The following WIPI2 variants were observed in gnomAD, a reference collection of about 807,000 sequenced individuals.
WIPI2 encodes WD repeat domain phosphoinositide-interacting protein 2.
WIPI2 carries 28 observed loss-of-function variants against 52.3 expected under a neutral mutation model. That is an observed-to-expected ratio of 0.54 (90% CI 0.40 to 0.73). The LOEUF (loss-of-function observed/expected upper bound fraction) is 0.73, where lower values mean the gene tolerates loss of function less well. WIPI2 is among the 30% of genes least tolerant of loss of function. The pLI is 0.00. For missense variants in WIPI2, 506 were observed against 602.9 expected (o/e 0.84, Z 1.68); for synonymous variants, 268 against 245.0 (o/e 1.09, Z -0.88).
At chr7:5,214,377 C>T in intron 3 of WIPI2, 158 bp from the exon 4 acceptor site, 1 of 1,601,152 alleles carries the variant, frequency 6.2e-7, no homozygotes, top group Non-Finnish European at 8.5e-7. Flanking sequence ...CCTCAGACCC[C>T]CGGGCTGTCC....
chr7:5,197,286 T>A (rs1447927650), intron 2 of WIPI2, among the ~76,000 whole-genome samples: 5 of 152,096 alleles, frequency 3.3e-5, no homozygotes, highest in Non-Finnish European at 7.4e-5. Context: ...GTTTTTTTAA[T>A]CAGAAAATGG....
In WIPI2 at chr7:5,230,477, G is replaced by C. The variant is rs550165383; in HGVS notation, c.1253-358G>C. Among the ~76,000 whole-genome samples the C allele has an allele frequency of 6.6e-6, 1 of 152,270 alleles. No individual in the cohort carries two copies. Among genetic ancestry groups the C allele is most frequent in the South Asian group, 2.1e-4 (1 of 4,832 alleles). On this transcript the variant is annotated intron_variant, in intron 12 of 12. Transcript: ENST00000288828. This position sits in a 1 kb window ranked among gnomAD's most constrained non-coding sequence, Gnocchi z 4.8. ...TCGCTGCCACTCCCATCTGTGAACC[G>C]GCACTTCCAGTTCATGAGCCCACCC...
intron 2 of WIPI2, among the ~76,000 whole-genome samples, chr7:5,198,505 G>T (rs1326705457): frequency 6.6e-6 from 1 of 152,100 alleles, no homozygotes; most frequent in Non-Finnish European, 1.5e-5. Flanking sequence ...GTAGAGACAG[G>T]TTTTCGCCAT....
Position 5,232,362 on chromosome 7 carries a change from G to A in WIPI2, c.*1415G>A. On this transcript the variant is annotated 3_prime_UTR_variant, in exon 13 of 13. Transcript: ENST00000288828. The stretch of plus-strand genomic sequence containing the variant: ...GCGGTGAAATGCCCCAGTGTTCCTG[G>A]GTTGGCTTTACGGCAAACTAAATGC... The A allele has an allele frequency of 2.5e-6, 1 of 398,608 alleles. No homozygotes were observed. Among genetic ancestry groups the A allele is most frequent in the Admixed American group, 4.4e-5 (1 of 22,740 alleles). 24.7% of individuals were successfully genotyped at this position (398,608 alleles called of 1,614,324 possible). A position where few individuals can be genotyped will look rare whatever the true frequency, so the allele number is the denominator to read the frequency against.
At chr7:5,221,835 A>T (rs1483663447) in intron 7 of WIPI2, among the ~76,000 whole-genome samples, 4 of 152,224 alleles carry the variant, frequency 2.6e-5, no homozygotes, top group Non-Finnish European at 4.4e-5. Flanking sequence ...TTTCCAGCTA[A>T]TCGGCTCTCT....
In WIPI2 at chr7:5,232,624, C is replaced by A. The variant is rs1391421443; in HGVS notation, c.*1677C>A. The A allele has an allele frequency of 3.6e-6, 1 of 280,680 alleles. No individual in the cohort carries two copies. Among genetic ancestry groups the A allele is most frequent in the Non-Finnish European group, 6.6e-6 (1 of 151,704 alleles). 17.4% of individuals were successfully genotyped at this position (280,680 alleles called of 1,614,324 possible). Reference sequence around the variant, plus strand: ...TGAGCAGGGATGAGAAGGGCCGCGGCAGCACGCAGCCTTGACCCACGCCTG... The same window carrying A: ...TGAGCAGGGATGAGAAGGGCCGCGGAAGCACGCAGCCTTGACCCACGCCTG... On this transcript the variant is annotated 3_prime_UTR_variant, in exon 13 of 13. Transcript: ENST00000288828.
intron 7 of WIPI2, among the ~76,000 whole-genome samples, chr7:5,219,724 G>T (rs149863169): frequency 2.0e-5 from 3 of 152,202 alleles, no homozygotes; most frequent in African/African-American, 7.2e-5. Flanking sequence ...AACCTTTGCC[G>T]TGGTTATTTT....
chr7:5,193,113 C>T lies in WIPI2; in HGVS notation c.75-5C>T, dbSNP rs1781557185. 6.2e-7 allele frequency: 1 copy of T among 1,612,926 alleles called. No individual in the cohort carries two copies. The highest frequency in any genetic ancestry group is 1.7e-5 in the Admixed American group (1 of 59,932). On this transcript the variant is annotated splice_region_variant and splice_polypyrimidine_tract_variant and intron_variant, in intron 1 of 12. Transcript: ENST00000288828. ...TTTTTTGTTTTGTTTTGTTTTTTTACCTAGAGAAGTGAAAGGGGCATCAAG... is the reference window on the plus strand; with the variant it reads ...TTTTTTGTTTTGTTTTGTTTTTTTATCTAGAGAAGTGAAAGGGGCATCAAG...
At chr7:5,214,783 G>GC in intron 4 of WIPI2, 79 bp downstream of exon 4, 1 of 1,520,802 alleles carries the variant, frequency 6.6e-7, no homozygotes, top group Non-Finnish European at 9.0e-7. Context: ...CCACCGGCAT[G>GC]CCCCTCCGTC....
Position 5,228,097 on chromosome 7 carries a change from T to C in WIPI2, c.1014-7T>C. ...TCTAGAATTTGGCTGCTCTTTATTC[T>C]CCCTAGAATTCAGAAGATCCCGCGG... is the stretch of plus-strand genomic sequence containing the variant. On this transcript the variant is annotated splice_region_variant and splice_polypyrimidine_tract_variant and intron_variant, in intron 10 of 12. Coordinates refer to ENST00000288828, the MANE Select transcript of WIPI2 (RefSeq NM_015610.4). 1.2e-6 allele frequency: 2 copies of C among 1,613,658 alleles called. No individual in the cohort carries two copies. Among genetic ancestry groups the C allele is most frequent in the South Asian group, 2.2e-5 (2 of 91,044 alleles).
intron 7 of WIPI2, among the ~76,000 whole-genome samples, chr7:5,219,548 C>G (rs77010558): frequency 2.0e-5 from 3 of 152,142 alleles, no homozygotes; most frequent in Non-Finnish European, 2.9e-5. Context: ...TTCCCAGCCC[C>G]GCTCTGTCCC....
At chr7:5,220,986 C>T (rs1255675571) in intron 7 of WIPI2, among the ~76,000 whole-genome samples, 15 of 115,824 alleles carry the variant, frequency 1.3e-4, no homozygotes, top group Admixed American at 1.1e-3. Context: ...TTTTTTGAGA[C>T]GGAGTCTTGC....
chr7:5,225,290 G>A (rs1234080250), intron 8 of WIPI2, among the ~76,000 whole-genome samples: 2 of 151,872 alleles, frequency 1.3e-5, no homozygotes, highest in African/African-American at 2.4e-5. Context: ...ACAGGCACCC[G>A]CCACCACGCC....
At position 5,227,999 on chromosome 7, in the gene WIPI2, T is replaced by A; in HGVS notation, c.1014-105T>A. The A allele has an allele frequency of 9.5e-7, 1 of 1,050,642 alleles. No individual in the cohort carries two copies. The highest frequency in any genetic ancestry group is 1.6e-5 in the African/African-American group (1 of 63,748). 65.1% of individuals were successfully genotyped at this position (1,050,642 alleles called of 1,614,324 possible). A position where few individuals can be genotyped will look rare whatever the true frequency, so the allele number is the denominator to read the frequency against. ...ACACCTGCAGCTGCCCTTGTGCTCA[T>A]CTTGCTGGGGTCTCTTTCCTCGCCT... is the stretch of plus-strand genomic sequence containing the variant. On this transcript the variant is annotated intron_variant, in intron 10 of 12. Transcript: ENST00000288828. The surrounding 1 kb of genome is among the most constrained non-coding windows in gnomAD (Gnocchi z 8.1).
At position 5,225,947 on chromosome 7, in the gene WIPI2, C is replaced by A; in HGVS notation, c.848+17C>A. On this transcript the variant is annotated intron_variant, in intron 9 of 12. Transcript: ENST00000288828. Reference sequence around the variant, plus strand: ...GAAAGAAAAGTGAGTTGCAAATATACGTTTCTTTAAAAATGATGCAAAACC... The same window carrying A: ...GAAAGAAAAGTGAGTTGCAAATATAAGTTTCTTTAAAAATGATGCAAAACC... 2 of 1,604,262 alleles carry A rather than the reference C, an allele frequency of 1.2e-6. No individual in the cohort carries two copies. Among genetic ancestry groups the A allele is most frequent in the Non-Finnish European group, 8.5e-7 (1 of 1,173,890 alleles).
chr7:5,224,583 G>T (rs1262403910), intron 8 of WIPI2, among the ~76,000 whole-genome samples: 1 of 152,154 alleles, frequency 6.6e-6, no homozygotes, highest in Admixed American at 6.5e-5. Context: ...TAACTTGGGT[G>T]GGGAGAAGCC....
At chr7:5,217,739 T>C (rs1782893076) in intron 6 of WIPI2, 183 bp from the exon 7 acceptor site, 1 of 655,680 alleles carries the variant, frequency 1.5e-6, no homozygotes, top group Non-Finnish European at 2.7e-6. Context: ...GCTTTGCTTT[T>C]TCTAAAGTTG....
chr7:5,230,876 G>C lies in WIPI2; in HGVS notation c.1294G>C (p.Glu432Gln), dbSNP rs1284788648. Residue 432 changes from glutamate to glutamine, a missense_variant, in exon 13 of 13, where the codon GAG becomes CAG. Around this residue, in one of 4 missense-constraint regions of WIPI2, gnomAD observed 194 missense variants for 175.1 expected, o/e 1.11. Transcript: ENST00000288828. The surrounding 1 kb of genome is among the most constrained non-coding windows in gnomAD (Gnocchi z 4.8). Reference sequence around the variant, plus strand: ...GGGTGCTGTGGGTGGCGCCTGCCTGGAGGACGAGGCCAGCGCCCTGCGCCT... The same window carrying C: ...GGGTGCTGTGGGTGGCGCCTGCCTGCAGGACGAGGCCAGCGCCCTGCGCCT... ...DLGAVGGACL[E>Q]DEASALRLDE... The C allele has an allele frequency of 1.9e-6, 3 of 1,613,914 alleles. No homozygotes were observed. Among genetic ancestry groups the C allele is most frequent in the Non-Finnish European group, 2.5e-6 (3 of 1,179,916 alleles).
intron 2 of WIPI2, among the ~76,000 whole-genome samples, chr7:5,197,742 A>G (rs1188574143): frequency 2.0e-5 from 3 of 152,178 alleles, no homozygotes; most frequent in East Asian, 1.9e-4. Flanking sequence ...CCCTGATCCT[A>G]TCTTGGGGTA....
Sources: gnomAD v4.1 joint callset for allele counts (sites outside exome capture counted in the v4.1 genomes callset) on GRCh38, gnomAD v4.1.1 for gene constraint, gnomAD v4.1.1 regional missense constraint, Gnocchi (gnomAD v3.1) non-coding constraint, MANE v1.5 for transcripts, NCBI Gene and HGNC (gene_info 2026-07-23, HGNC 2026-07-21) for gene names.